CASTOR2: variants seen among roughly 807,000 people sequenced by gnomAD.
CASTOR2 encodes cytosolic arginine sensor for mTORC1 subunit 2.
CASTOR2 carries 8 observed loss-of-function variants against 31.2 expected under a neutral mutation model. The ratio of observed to expected loss-of-function variants is 0.26; its 90% CI spans 0.15 to 0.46. CASTOR2 has a LOEUF of 0.46. Among genes scored for constraint, CASTOR2 ranks in the 20% least tolerant of loss-of-function variants. CASTOR2 has a pLI of 0.99. For synonymous variants in CASTOR2, 162 were observed against 158.7 expected (o/e 1.02, Z -0.16); for missense variants, 216 against 382.1 (o/e 0.57, Z 3.62).
intron 7 of CASTOR2, among the ~76,000 whole-genome samples, chr7:75,023,233 G>C (rs1805047266): frequency 6.6e-6 from 1 of 151,988 alleles, no homozygotes; most frequent in Admixed American, 6.6e-5. Context: ...GCATGAACCT[G>C]GGAGGCGGAG....
rs1429372852 is a variant in CASTOR2, at chr7:75,029,342, C to T, written c.*4643C>T. Reference sequence around the variant, plus strand: ...AGGGGGCTTTAGGGCAAGAGCACCTCAGCCCTGCAATGGGGGGATCTTTTT... The same window carrying T: ...AGGGGGCTTTAGGGCAAGAGCACCTTAGCCCTGCAATGGGGGGATCTTTTT... On this transcript the variant is annotated 3_prime_UTR_variant, in exon 9 of 9. Transcript: ENST00000616305. Among the ~76,000 whole-genome samples the T allele has an allele frequency of 6.6e-6, 1 of 151,028 alleles. No homozygotes were observed. Among genetic ancestry groups the T allele is most frequent in the Non-Finnish European group, 1.5e-5 (1 of 67,892 alleles).
At chr7:74,988,223 G>A (rs1466815911) in intron 1 of CASTOR2, among the ~76,000 whole-genome samples, 1 of 75,874 alleles carries the variant, frequency 1.3e-5, no homozygotes, top group Non-Finnish European at 3.7e-5. Flanking sequence ...TCTGCCTCCC[G>A]GGTCAAGCAA....
rs991142538 is a variant in CASTOR2, at chr7:75,027,837, G to A, written c.*3138G>A. The A allele has an allele frequency of 1.4e-5, 9 of 662,324 alleles. No individual in the cohort carries two copies. The highest frequency in any genetic ancestry group is 5.4e-5 in the African/African-American group (3 of 55,706). The allele number at this position is 662,324 out of a possible 1,614,324, so 41.0% of individuals were successfully genotyped here. Reference sequence around the variant, plus strand: ...CTTGGTTTGGTCTCCACAGCTCTTCGGGGTGGGGTGTGAGTGTGGTTTTTC... The same window carrying A: ...CTTGGTTTGGTCTCCACAGCTCTTCAGGGTGGGGTGTGAGTGTGGTTTTTC... On this transcript the variant is annotated 3_prime_UTR_variant, in exon 9 of 9. Transcript: ENST00000616305.
chr7:75,011,735 AAAAAAAAAAAACC>A (rs1804752216), intron 2 of CASTOR2, among the ~76,000 whole-genome samples: 1 of 143,622 alleles, frequency 7.0e-6, no homozygotes, highest in Non-Finnish European at 1.5e-5. Flanking sequence ...CTCAAAAAAA[AAAAAAAAAAAACC>A]AAAAAAAAAA....
rs1805253394 is a variant in CASTOR2, at chr7:75,029,903, A to C, written c.*5204A>C. ...CCGGGCTCGGTGGCTTAGGCCTGTC[A>C]TCCCAGCACTTTGGGAGACCAAGGT... On this transcript the variant is annotated 3_prime_UTR_variant, in exon 9 of 9. Transcript: ENST00000616305. Among the ~76,000 whole-genome samples the C allele has an allele frequency of 6.6e-6, 1 of 152,166 alleles. No individual in the cohort carries two copies. Among genetic ancestry groups the C allele is most frequent in the Admixed American group, 6.5e-5 (1 of 15,288 alleles).
At position 75,006,775 on chromosome 7, in the gene CASTOR2, C is replaced by G. The variant is rs1487041888; in HGVS notation, c.114-1219C>G. Among the ~76,000 whole-genome samples, 1,061 of 152,236 alleles carry G rather than the reference C, an allele frequency of 7.0e-3. 9 individuals are homozygous for G. Among genetic ancestry groups the G allele is most frequent in the Non-Finnish European group, 9.8e-3 (664 of 68,014 alleles). On this transcript the variant is annotated intron_variant, in intron 1 of 8. Transcript: ENST00000616305. ...AAAGGGTAGTTCCCCTGCACATGCT[C>G]TCTTGCCTGTTGCCATGTAAGACAT...
chr7:74,965,880 ACACT>A (rs1383177754), intron 1 of CASTOR2, among the ~76,000 whole-genome samples: 480 of 21,468 alleles, frequency 0.022, 135 homozygotes, highest in African/African-American at 0.088. Flanking sequence ...ACACACACAC[ACACT>A]CTCTCTCTCT....
chr7:75,007,173 G>A (rs1348851619), intron 1 of CASTOR2, among the ~76,000 whole-genome samples: 1 of 152,050 alleles, frequency 6.6e-6, no homozygotes, highest in Non-Finnish European at 1.5e-5. Flanking sequence ...GTGCGGTTCT[G>A]GCTAAATGGG....
Position 75,010,955 on chromosome 7 carries a change from C to T in CASTOR2, c.184+2891C>T, listed in dbSNP as rs1278840691. 3.2e-4 allele frequency among the ~76,000 whole-genome samples: 48 copies of T among 152,030 alleles called. No homozygotes were observed. The South Asian group carries it at 7.1e-3, about 22-fold the overall frequency. On this transcript the variant is annotated intron_variant, in intron 2 of 8. Coordinates refer to ENST00000616305, the MANE Select transcript of CASTOR2 (RefSeq NM_001145064.3). Reference sequence around the variant, plus strand: ...GCAACCTCCATCTCCCAGGTTCAAGCGATTCTCCTGCCTCAGCCTTCTGAG... The same window carrying T: ...GCAACCTCCATCTCCCAGGTTCAAGTGATTCTCCTGCCTCAGCCTTCTGAG...
At chr7:74,998,850 A>G (rs1305378570) in intron 1 of CASTOR2, among the ~76,000 whole-genome samples, 27 of 152,112 alleles carry the variant, frequency 1.8e-4, no homozygotes, top group Admixed American at 5.9e-4. Flanking sequence ...TTTCCCCCAG[A>G]TCTTTGTGAT....
At chr7:75,009,319 GAGTGC>G (rs1253337167) in intron 2 of CASTOR2, among the ~76,000 whole-genome samples, 15 of 121,872 alleles carry the variant, frequency 1.2e-4, no homozygotes, top group South Asian at 5.1e-4. Context: ...GCCCAGGCTG[GAGTGC>G]AGTGGTGTGA....
rs1465730967 is a variant in CASTOR2, at chr7:75,024,882, T to C, written c.*183T>C. The stretch of plus-strand genomic sequence containing the variant: ...AGGGGCCCACGCCAAGGCCTCTCCA[T>C]GCCCTCCTGCCTTCCCGGAGCCCCC... On this transcript the variant is annotated 3_prime_UTR_variant, in exon 9 of 9. Coordinates refer to ENST00000616305, the MANE Select transcript of CASTOR2 (RefSeq NM_001145064.3). 1.4e-6 allele frequency: 2 copies of C among 1,422,896 alleles called. No individual in the cohort carries two copies. The highest frequency in any genetic ancestry group is 2.1e-5 in the Admixed American group (1 of 47,706). 88.1% of individuals were successfully genotyped at this position (1,422,896 alleles called of 1,614,324 possible).
chr7:75,011,577 AC>A (rs1804746033), intron 2 of CASTOR2, among the ~76,000 whole-genome samples: 1 of 151,872 alleles, frequency 6.6e-6, no homozygotes, highest in Non-Finnish European at 1.5e-5. Flanking sequence ...TACTAAAAAT[AC>A]AAAAAAAATT....
rs1443165609 is a variant in CASTOR2, at chr7:75,024,842, C to G, written c.*143C>G. On this transcript the variant is annotated 3_prime_UTR_variant, in exon 9 of 9. Transcript: ENST00000616305. The stretch of plus-strand genomic sequence containing the variant: ...CTCTGTGGGAGACTCCCTCGATTGC[C>G]AATCCCTCCAGGGCAGGGGCCCACG... 1.9e-6 allele frequency: 3 copies of G among 1,540,960 alleles called. No individual in the cohort carries two copies. Among genetic ancestry groups the G allele is most frequent in the South Asian group, 1.2e-5 (1 of 82,848 alleles).
Position 75,021,931 on chromosome 7 carries a change from G to T in CASTOR2, c.804G>T (p.Arg268=). The T allele has an allele frequency of 1.3e-6, 2 of 1,551,826 alleles. No individual in the cohort carries two copies. Among genetic ancestry groups the T allele is most frequent in the South Asian group, 2.4e-5 (2 of 84,048 alleles). The change falls in exon 7 of 9, where the codon CGG becomes CGT. Residue 268 remains arginine, a synonymous_variant. Transcript: ENST00000616305. Reference sequence around the variant, plus strand: ...CCGGAGAGCTCTGGAAGATGGTCCGGATTGGAGGACAGCCCCTGGGGTTTG... The same window carrying T: ...CCGGAGAGCTCTGGAAGATGGTCCGTATTGGAGGACAGCCCCTGGGGTTTG... ...SASGELWKMV[R]IGGQPLGFDE...
chr7:75,007,852 A>T (rs1333332065), intron 1 of CASTOR2, 142 bp from the exon 2 acceptor site: 7 of 1,074,228 alleles, frequency 6.5e-6, no homozygotes, highest in African/African-American at 6.3e-5. Flanking sequence ...GGAGAGATAA[A>T]CAACTTACCC....
intron 1 of CASTOR2, among the ~76,000 whole-genome samples, chr7:74,993,812 A>C (rs1300624414): frequency 3.3e-5 from 5 of 151,992 alleles, no homozygotes; most frequent in Admixed American, 6.6e-5. Flanking sequence ...AAAAAAAAAA[A>C]AAAAACACTT....
rs1360440083 is a variant in CASTOR2, at chr7:74,993,892, A to C, written c.114-14102A>C. ...CATCTCAGAAAAGGTTTTGCCAGGC[A>C]AGTTTACCTGGAAGTGTCTCTCCCC... On this transcript the variant is annotated intron_variant, in intron 1 of 8. Coordinates refer to ENST00000616305, the MANE Select transcript of CASTOR2 (RefSeq NM_001145064.3). Among the ~76,000 whole-genome samples the C allele has an allele frequency of 3.2e-4, 48 of 151,780 alleles. No individual in the cohort carries two copies. In the Middle Eastern group the frequency reaches 0.01, roughly 32 times the overall value.
chr7:74,998,668 T>C (rs1804416540), intron 1 of CASTOR2, among the ~76,000 whole-genome samples: 1 of 149,792 alleles, frequency 6.7e-6, no homozygotes, highest in East Asian at 2.0e-4. Flanking sequence ...GATATCACCA[T>C]GGCTAGGGAG....
Sources: allele counts gnomAD v4.1 joint callset (sites outside exome capture counted in the v4.1 genomes callset), GRCh38; gene constraint gnomAD v4.1.1; transcripts MANE v1.5; gene names NCBI Gene and HGNC (gene_info 2026-07-23, HGNC 2026-07-21).